Variants in CFTR observed in about 807,000 individuals in gnomAD.
CFTR encodes CF transmembrane conductance regulator, also known as cystic fibrosis transmembrane conductance regulator.
A neutral mutation model predicts 171.6 loss-of-function variants in CFTR; 181 were observed. That is an observed-to-expected ratio of 1.05 (90% CI 0.93 to 1.19). The LOEUF (loss-of-function observed/expected upper bound fraction) is 1.19, where lower values mean the gene tolerates loss of function less well. Among genes scored for constraint, CFTR ranks in the 50% most tolerant of loss-of-function variants. The pLI, the probability that CFTR is intolerant of heterozygous loss-of-function variation, is 0.00. For synonymous variants in CFTR, 583 were observed against 608.0 expected (o/e 0.96, Z 0.60); for missense variants, 1,968 against 1,734.7 (o/e 1.13, Z -2.39).
chr7:117,609,690 A>G (rs926269958), intron 18 of CFTR, among the ~76,000 whole-genome samples: 5 of 152,204 alleles, frequency 3.3e-5, no homozygotes, highest in African/African-American at 7.2e-5. Context: ...AAAAGACTCC[A>G]AGACGAATGC....
At chr7:117,497,364 A>C (rs1390662525) in intron 1 of CFTR, among the ~76,000 whole-genome samples, 1 of 152,170 alleles carries the variant, frequency 6.6e-6, no homozygotes, top group African/African-American at 2.4e-5. Flanking sequence ...GTGCTTTGAA[A>C]ATTAAACCAA....
chr7:117,549,857 A>G lies in CFTR; in HGVS notation c.1392+1034A>G, dbSNP rs1270282641. ...GAAGTAGGAGGAAGGAAGGAAGGAA[A>G]GAAGGAAGGAAGTAAGAGGGAAGCA... On this transcript the variant is annotated intron_variant, in intron 10 of 26. Transcript: ENST00000003084. Among the ~76,000 whole-genome samples, 3 of 152,270 alleles carry G rather than the reference A, an allele frequency of 2.0e-5. No individual in the cohort carries two copies. In the East Asian group the frequency reaches 5.8e-4, roughly 29 times the overall value.
At chr7:117,596,261 C>T (rs1340883863) in intron 15 of CFTR, among the ~76,000 whole-genome samples, 3 of 152,224 alleles carry the variant, frequency 2.0e-5, no homozygotes, top group Non-Finnish European at 4.4e-5. Context: ...GCCCCGCGAG[C>T]CCCAGGCAGT....
chr7:117,503,623 G>A (rs1476716769), intron 1 of CFTR, among the ~76,000 whole-genome samples: 4 of 152,076 alleles, frequency 2.6e-5, no homozygotes, highest in Non-Finnish European at 5.9e-5. Context: ...GATGCCTAGA[G>A]GGCAGATGAG....
At chr7:117,652,810 A>G (rs1404700417) in intron 23 of CFTR, 32 bp from the exon 24 acceptor site, 3 of 1,056,570 alleles carry the variant, frequency 2.8e-6, no homozygotes, top group East Asian at 2.4e-5. Context: ...TAAGTTATTC[A>G]TACTTTCTTC....
intron 7 of CFTR, among the ~76,000 whole-genome samples, chr7:117,538,979 G>A (rs757000139): frequency 4.6e-5 from 7 of 152,188 alleles, no homozygotes; most frequent in Non-Finnish European, 8.8e-5. Flanking sequence ...TTCTGCACTT[G>A]AGAATGAGAA....
chr7:117,624,562 T>G (rs1792624324), intron 21 of CFTR, among the ~76,000 whole-genome samples: 1 of 152,218 alleles, frequency 6.6e-6, no homozygotes, highest in South Asian at 2.1e-4. Flanking sequence ...GCCTTGGAAT[T>G]GAGGCACGGG....
chr7:117,531,344 G>GT (rs4148694), intron 4 of CFTR, among the ~76,000 whole-genome samples: 69 of 148,560 alleles, frequency 4.6e-4, no homozygotes, highest in Admixed American at 1.0e-3. Flanking sequence ...CTCTGTTGTA[G>GT]TTTTTTTTTT....
chr7:117,597,859 G>A (rs1201248740), intron 15 of CFTR, among the ~76,000 whole-genome samples: 1 of 151,790 alleles, frequency 6.6e-6, no homozygotes, highest in Admixed American at 6.6e-5. Flanking sequence ...TTGCATGGTA[G>A]GCCACAAGTT....
At chr7:117,638,666 G>A (rs913119111) in intron 22 of CFTR, among the ~76,000 whole-genome samples, 2 of 151,822 alleles carry the variant, frequency 1.3e-5, no homozygotes, top group African/African-American at 4.8e-5. Flanking sequence ...AACCTGGGAG[G>A]TGGAGGTTGC....
At chr7:117,621,393 T>C (rs966910060) in intron 21 of CFTR, among the ~76,000 whole-genome samples, 2 of 152,208 alleles carry the variant, frequency 1.3e-5, no homozygotes, top group Non-Finnish European at 2.9e-5. Flanking sequence ...ATCGTCTTTA[T>C]GACAACTCAA....
chr7:117,494,235 G>T (rs1168804734), intron 1 of CFTR, among the ~76,000 whole-genome samples: 1 of 151,908 alleles, frequency 6.6e-6, no homozygotes, highest in Non-Finnish European at 1.5e-5. Context: ...ATATCAGGTG[G>T]AATTACACAG....
chr7:117,606,297 G>A (rs1194378403), intron 17 of CFTR, among the ~76,000 whole-genome samples: 1 of 152,116 alleles, frequency 6.6e-6, no homozygotes, highest in Non-Finnish European at 1.5e-5. Context: ...AATACAAATG[G>A]AAGGGAAATG....
intron 1 of CFTR, 32 bp from the exon 2 acceptor site, chr7:117,504,221 G>A: frequency 2.3e-6 from 3 of 1,279,076 alleles, no homozygotes; most frequent in Non-Finnish European, 3.4e-6. Context: ...ACCAAATCAA[G>A]TGAATATCTG....
chr7:117,524,650 A>G (rs915017070), intron 3 of CFTR, among the ~76,000 whole-genome samples: 2 of 152,214 alleles, frequency 1.3e-5, no homozygotes, highest in Non-Finnish European at 2.9e-5. Context: ...CCTCGAATCT[A>G]GAGAAAGGTT....
chr7:117,498,457 C>G (rs1031931694), intron 1 of CFTR, among the ~76,000 whole-genome samples: 4 of 152,046 alleles, frequency 2.6e-5, no homozygotes, highest in Non-Finnish European at 5.9e-5. Flanking sequence ...CCCAATACTG[C>G]GATTTTAAAT....
chr7:117,594,520 T>C (rs1792089788), intron 14 of CFTR, among the ~76,000 whole-genome samples: 1 of 152,174 alleles, frequency 6.6e-6, no homozygotes, highest in Non-Finnish European at 1.5e-5. Flanking sequence ...TAGCTAGAAG[T>C]ATACTGAACT....
intron 22 of CFTR, among the ~76,000 whole-genome samples, chr7:117,641,280 G>A (rs1455817144): frequency 2.6e-5 from 4 of 152,064 alleles, no homozygotes; most frequent in African/African-American, 7.2e-5. Flanking sequence ...AACATTTATT[G>A]TGGTCCCTTC....
chr7:117,518,252 T>C (rs566797183), intron 3 of CFTR, among the ~76,000 whole-genome samples: 2 of 148,996 alleles, frequency 1.3e-5, no homozygotes, highest in Non-Finnish European at 3.0e-5. Flanking sequence ...AAAACCTATA[T>C]ATATATGTCA....
Sources: gnomAD v4.1 joint callset for allele counts (sites outside exome capture counted in the v4.1 genomes callset) on GRCh38, gnomAD v4.1.1 for gene constraint, MANE v1.5 for transcripts, NCBI Gene and HGNC (gene_info 2026-07-23, HGNC 2026-07-21) for gene names.